DPP10: variants seen among roughly 807,000 people sequenced by gnomAD.
DPP10 encodes the protein inactive dipeptidyl peptidase 10.
A neutral mutation model predicts 120.9 loss-of-function variants in DPP10; 33 were observed. The ratio of observed to expected loss-of-function variants is 0.27; its 90% CI spans 0.21 to 0.37. The LOEUF is 0.37. DPP10 is among the 10% of genes least tolerant of loss of function. The pLI is 1.00. For synonymous variants in DPP10, 337 were observed against 326.1 expected, an observed-to-expected ratio of 1.03 and a Z score of -0.36; for missense variants, 816 against 942.8, an observed-to-expected ratio of 0.87 and a Z score of 1.76.
At chr2:115,662,788 C>T (rs1309846198) in intron 5 of DPP10, among the ~76,000 whole-genome samples, 1 of 152,054 alleles carries the variant, frequency 6.6e-6, no homozygotes, top group Non-Finnish European at 1.5e-5. Context: ...TCTGGTATGG[C>T]CTTCCTCAAA....
At chr2:114,759,465 CT>C (rs199772151) in intron 1 of DPP10, among the ~76,000 whole-genome samples, 14,648 of 145,604 alleles carry the variant, frequency 0.1, 982 homozygotes, top group East Asian at 0.23. Context: ...TGCTGTAAAT[CT>C]TTTTTTTTTT....
At position 115,785,771 on chromosome 2, in the gene DPP10, C is replaced by T. The variant is rs189655382; in HGVS notation, c.1531+3372C>T. Among the ~76,000 whole-genome samples the T allele has an allele frequency of 1.3e-3, 189 of 149,582 alleles. 2 individuals are homozygous for T. Among genetic ancestry groups the T allele is most frequent in the Admixed American group, 0.012 (183 of 15,002 alleles). On this transcript the variant is annotated intron_variant, in intron 17 of 25. Coordinates refer to ENST00000410059, the MANE Select transcript of DPP10 (RefSeq NM_020868.6). ...AGTCTATTAATTGTATTTATACTTTCGAAGAACCAACTTTTGGTTTTTATG... is the reference window on the plus strand; with the variant it reads ...AGTCTATTAATTGTATTTATACTTTTGAAGAACCAACTTTTGGTTTTTATG...
intron 1 of DPP10, among the ~76,000 whole-genome samples, chr2:114,552,599 G>T (rs192615973): frequency 1.0e-3 from 157 of 151,424 alleles, no homozygotes; most frequent in Non-Finnish European, 1.8e-3. Flanking sequence ...AGGTTGCAGT[G>T]CAGTGGCCCC....
At chr2:114,845,512 G>A (rs1688476026) in intron 1 of DPP10, among the ~76,000 whole-genome samples, 1 of 152,048 alleles carries the variant, frequency 6.6e-6, no homozygotes. Flanking sequence ...AATGCATACA[G>A]AACATCATTT....
At chr2:114,951,595 T>C (rs936290928) in intron 1 of DPP10, among the ~76,000 whole-genome samples, 6 of 152,204 alleles carry the variant, frequency 3.9e-5, no homozygotes, top group Non-Finnish European at 7.4e-5. Context: ...GGTTTTTTAA[T>C]AAGAAGAACA....
At chr2:115,002,462 C>G (rs1483457693) in intron 1 of DPP10, among the ~76,000 whole-genome samples, 1 of 152,070 alleles carries the variant, frequency 6.6e-6, no homozygotes, top group African/African-American at 2.4e-5. Context: ...TAGGACCTGG[C>G]AAAGATTTTA....
At chr2:115,699,018 G>C (rs866545119) in intron 7 of DPP10, among the ~76,000 whole-genome samples, 2 of 50,824 alleles carry the variant, frequency 3.9e-5, no homozygotes, top group Admixed American at 3.9e-4. Context: ...TAGTTAGCTT[G>C]ACTGAAAAAA....
chr2:115,669,372 G>C (rs1436969331), intron 5 of DPP10, among the ~76,000 whole-genome samples: 2 of 152,122 alleles, frequency 1.3e-5, no homozygotes, highest in Admixed American at 6.6e-5. Context: ...GTAGTTAATA[G>C]AAAGGATAAG....
chr2:115,331,442 A>G (rs1346200800), intron 2 of DPP10, among the ~76,000 whole-genome samples: 1 of 152,198 alleles, frequency 6.6e-6, no homozygotes, highest in Non-Finnish European at 1.5e-5. Context: ...TGCCCTGGCC[A>G]GAACTTCCAG....
chr2:115,000,482 T>A (rs1440200871), intron 1 of DPP10, among the ~76,000 whole-genome samples: 1 of 152,162 alleles, frequency 6.6e-6, no homozygotes, highest in African/African-American at 2.4e-5. Flanking sequence ...TTCAGAAGAT[T>A]TTTCTGTACC....
chr2:115,610,905 T>C (rs2084052701), intron 5 of DPP10, among the ~76,000 whole-genome samples: 1 of 152,198 alleles, frequency 6.6e-6, no homozygotes. Flanking sequence ...ATAACCCTTC[T>C]TAGTAGACCA....
rs188130961 is a variant in DPP10 at position 115,117,399 on chromosome 2, T to G, written c.61-191840T>G. Among the ~76,000 whole-genome samples the G allele has an allele frequency of 9.7e-4, 148 of 152,362 alleles. 1 individual carries two copies. In the Middle Eastern group the frequency reaches 0.02, roughly 21 times the overall value. On this transcript the variant is annotated intron_variant, in intron 1 of 25. Transcript: ENST00000410059. ...TGTGTTTCTACACCAATGAGCTCAG[T>G]ATTTTAACATAAACTGTATAAAAAT... is the stretch of plus-strand genomic sequence containing the variant.
intron 1 of DPP10, among the ~76,000 whole-genome samples, chr2:115,275,645 AG>A (rs2059881980): frequency 6.6e-6 from 1 of 151,666 alleles, no homozygotes; most frequent in African/African-American, 2.4e-5. Flanking sequence ...TTTAAACCTA[AG>A]CCATGGGAAC....
At chr2:114,513,435 T>C (rs1328309616) in intron 1 of DPP10, among the ~76,000 whole-genome samples, 1 of 149,968 alleles carries the variant, frequency 6.7e-6, no homozygotes, top group African/African-American at 2.5e-5. Flanking sequence ...GCAGGAGAAT[T>C]GCTTGAAACC....
chr2:115,541,967 G>A (rs2079197646), intron 5 of DPP10, among the ~76,000 whole-genome samples: 1 of 151,824 alleles, frequency 6.6e-6, no homozygotes, highest in South Asian at 2.1e-4. Flanking sequence ...AGAGACCTTT[G>A]TATTCCTTAC....
At chr2:115,278,906 A>G (rs973314109) in intron 1 of DPP10, among the ~76,000 whole-genome samples, 1 of 152,142 alleles carries the variant, frequency 6.6e-6, no homozygotes, top group African/African-American at 2.4e-5. Flanking sequence ...CCTGCCATAT[A>G]TAATAGTTCA....
intron 21 of DPP10, among the ~76,000 whole-genome samples, chr2:115,827,385 C>A (rs1688446599): frequency 9.0e-6 from 1 of 111,232 alleles, no homozygotes; most frequent in Admixed American, 1.0e-4. Context: ...CAGAGGAGGG[C>A]AACTGTGTGT....
chr2:114,500,248 G>A (rs1558817736), intron 1 of DPP10, among the ~76,000 whole-genome samples: 1 of 152,198 alleles, frequency 6.6e-6, no homozygotes, highest in Non-Finnish European at 1.5e-5. Context: ...AAGAATTCAT[G>A]AGGAGCTCTG....
chr2:115,458,473 C>T (rs777783483), intron 3 of DPP10, among the ~76,000 whole-genome samples: 2 of 152,142 alleles, frequency 1.3e-5, no homozygotes, highest in Non-Finnish European at 2.9e-5. Flanking sequence ...AAAGTTTCCT[C>T]TAGTTGAACA....
Sources: gnomAD v4.1 joint callset for allele counts (sites outside exome capture counted in the v4.1 genomes callset) on GRCh38, gnomAD v4.1.1 for gene constraint, MANE v1.5 for transcripts, NCBI Gene and HGNC (gene_info 2026-07-23, HGNC 2026-07-21) for gene names.